PTPRB: variants seen among roughly 807,000 people sequenced by gnomAD.
PTPRB encodes the protein protein tyrosine phosphatase receptor type B.
A neutral mutation model predicts 238.1 loss-of-function variants in PTPRB; 97 were observed. That is an observed-to-expected ratio of 0.41 (90% CI 0.35 to 0.48). PTPRB has a LOEUF of 0.48. PTPRB is among the 20% of genes least tolerant of loss of function. The pLI, the probability that PTPRB is intolerant of heterozygous loss-of-function variation, is 0.30. For synonymous variants in PTPRB, 970 were observed against 995.4 expected (o/e 0.97, Z 0.48); for missense variants, 2,292 against 2,681.9 (o/e 0.85, Z 3.21).
At chr12:70,531,148 G>A (rs1233555540) in intron 32 of PTPRB, among the ~76,000 whole-genome samples, 2 of 152,150 alleles carry the variant, frequency 1.3e-5, no homozygotes, top group African/African-American at 2.4e-5. Flanking sequence ...GGGTCAAGGT[G>A]GTTTTGGGAT....
In PTPRB at chr12:70,529,716, G is replaced by A. The variant is rs657860; in HGVS notation, c.6504+2319C>T. On this transcript the variant is annotated intron_variant, in intron 32 of 33. Transcript: ENST00000334414. Reference sequence around the variant, plus strand: ...ACCTTTGATGAAATAACAGCGCTAGGCAGAGGTCATCAGTGGCTGCTAAAA... The same window carrying A: ...ACCTTTGATGAAATAACAGCGCTAGACAGAGGTCATCAGTGGCTGCTAAAA... 6.9e-3 allele frequency among the ~76,000 whole-genome samples: 1,047 copies of A among 152,232 alleles called. 13 individuals are homozygous for A. Among genetic ancestry groups the A allele is most frequent in the African/African-American group, 0.024 (984 of 41,518 alleles).
In PTPRB at chr12:70,534,878, C is replaced by T. The variant is rs1370683880; in HGVS notation, c.6159G>A (p.Glu2053=). 1 of 1,613,988 alleles carries T rather than the reference C, an allele frequency of 6.2e-7. No individual in the cohort carries two copies. The highest frequency in any genetic ancestry group is 1.7e-5 in the Admixed American group (1 of 60,018). The change falls in exon 30 of 34, where the codon GAG becomes GAA. Residue 2053 remains glutamate, a synonymous_variant. Coordinates refer to ENST00000334414, the MANE Select transcript of PTPRB (RefSeq NM_001109754.4). Reference sequence around the variant, plus strand: ...GGATGGTCCACTCAGGCAGGACGGACTCTGAGAGCATCTGCAGGATGAGGT... The same window carrying T: ...GGATGGTCCACTCAGGCAGGACGGATTCTGAGAGCATCTGCAGGATGAGGT... ...YGDLILQMLS[E]SVLPEWTIRE...
chr12:70,569,166 G>A (rs981064739), intron 14 of PTPRB, among the ~76,000 whole-genome samples: 1 of 152,040 alleles, frequency 6.6e-6, no homozygotes, highest in African/African-American at 2.4e-5. Context: ...GCAGTGGCAC[G>A]ATCACGACTC....
rs1296649175 is a variant in PTPRB, at chr12:70,576,426, C to T, written c.2798G>A (p.Arg933Lys). ...GGAGTGATTTTCATACTTGCCACTC[C>T]TTGTAGTTATGGTCACGGTGTAGAG... ...GRLYTVTITT[R>K]SGKYENHSFS... Residue 933 changes from arginine (R) to lysine (K), a missense_variant, in exon 11 of 34, where the codon AGG becomes AAG. Physicochemically the swap from Arg to Lys is conservative, Grantham distance 26. This residue lies in a region of PTPRB where 1,205 missense variants were observed against 1,287.8 expected (regional missense o/e 0.94). Transcript: ENST00000334414. The T allele has an allele frequency of 6.2e-7, 1 of 1,610,520 alleles. No homozygotes were observed. The highest frequency in any genetic ancestry group is 1.7e-5 in the Admixed American group (1 of 59,608).
chr12:70,532,252 T>C, intron 31 of PTPRB, 82 bp from the exon 32 acceptor site: 4 of 1,387,046 alleles, frequency 2.9e-6, no homozygotes, highest in East Asian at 2.6e-5. Context: ...TGGCACAATC[T>C]TTTTTTTCCC....
In PTPRB at chr12:70,594,531, G is replaced by A. The variant is rs1882809045; in HGVS notation, c.1452C>T (p.Tyr484=). Residue 484 remains tyrosine, a synonymous_variant, in exon 6 of 34, where the codon TAC becomes TAT. Transcript: ENST00000334414. ...CAGCCTCAGTCATAACAGTGAGGTT[G>A]TAGAGGTAGCCAGGGGTCAGCCCGT... is the stretch of plus-strand genomic sequence containing the variant. ...AFHGLTPGYL[Y]NLTVMTEAAG... is the part of the protein sequence containing the mutation. 1 of 1,613,892 alleles carries A rather than the reference G, an allele frequency of 6.2e-7. No homozygotes were observed. Among genetic ancestry groups the A allele is most frequent in the Admixed American group, 1.7e-5 (1 of 60,006 alleles).
chr12:70,590,939 A>ATTTT (rs1882430903), intron 7 of PTPRB, among the ~76,000 whole-genome samples: 7 of 113,050 alleles, frequency 6.2e-5, no homozygotes, highest in South Asian at 2.7e-4. Flanking sequence ...ATTTCCTCCA[A>ATTTT]GTTTTTTTTT....
chr12:70,600,427 G>A (rs1221582091), intron 4 of PTPRB, among the ~76,000 whole-genome samples: 1 of 152,094 alleles, frequency 6.6e-6, no homozygotes, highest in Non-Finnish European at 1.5e-5. Context: ...GTCATGAATT[G>A]CATATTCAGT....
chr12:70,593,747 T>G (rs1293406868), intron 6 of PTPRB, among the ~76,000 whole-genome samples: 1 of 152,012 alleles, frequency 6.6e-6, no homozygotes, highest in Non-Finnish European at 1.5e-5. Flanking sequence ...AACTAATGTC[T>G]AAGGCACTAC....
chr12:70,613,975 C>T (rs914569368), intron 3 of PTPRB, among the ~76,000 whole-genome samples: 1 of 151,984 alleles, frequency 6.6e-6, no homozygotes, highest in Non-Finnish European at 1.5e-5. Flanking sequence ...AGAAAAGATT[C>T]ATTTTGAAGA....
In PTPRB at chr12:70,539,917, C is replaced by T. The variant is rs759989185; in HGVS notation, c.5678+22G>A. Reference sequence around the variant, plus strand: ...TAATACCATCTTTCAACAAATTATACGAAGGCAAATGTGGTGCTTACCCTT... The same window carrying T: ...TAATACCATCTTTCAACAAATTATATGAAGGCAAATGTGGTGCTTACCCTT... On this transcript the variant is annotated intron_variant, in intron 24 of 33. Transcript: ENST00000334414. The T allele has an allele frequency of 2.3e-5, 37 of 1,592,364 alleles. No individual in the cohort carries two copies. In the Admixed American group the frequency reaches 4.2e-4, roughly 18 times the overall value.
intron 7 of PTPRB, among the ~76,000 whole-genome samples, chr12:70,590,945 T>A (rs947766937): frequency 6.8e-6 from 1 of 147,042 alleles, no homozygotes; most frequent in Non-Finnish European, 1.5e-5. Flanking sequence ...TCCAAGTTTT[T>A]TTTTTTTTTT....
intron 15 of PTPRB, among the ~76,000 whole-genome samples, chr12:70,565,847 T>C (rs957155750): frequency 6.6e-5 from 10 of 152,190 alleles, no homozygotes; most frequent in Non-Finnish European, 1.0e-4. Flanking sequence ...TTAAGGATCT[T>C]GAGACGAAGG....
In PTPRB at chr12:70,569,981, A is replaced by C. The variant is rs367598584; in HGVS notation, c.3371-43T>G. The C allele has an allele frequency of 2.0e-6, 3 of 1,529,838 alleles. No individual in the cohort carries two copies. In the African/African-American group the frequency reaches 4.1e-5, roughly 21 times the overall value. The allele number at this position is 1,529,838 out of a possible 1,614,324, so 94.8% of individuals were successfully genotyped here. A position where few individuals can be genotyped will look rare whatever the true frequency, so the allele number is the denominator to read the frequency against. ...TTTAAAAGTCATCACTTAGAGAATG[A>C]ACTGTTGAAATTTTCAAACAAAGTT... is the stretch of plus-strand genomic sequence containing the variant. On this transcript the variant is annotated intron_variant, in intron 13 of 33. Coordinates refer to ENST00000334414, the MANE Select transcript of PTPRB (RefSeq NM_001109754.4).
Position 70,579,360 on chromosome 12 carries a change from GC to G in PTPRB, c.2578+1675del, listed in dbSNP as rs1453785992. Among the ~76,000 whole-genome samples, 4 of 152,106 alleles carry G rather than the reference GC, an allele frequency of 2.6e-5. No homozygotes were observed. The East Asian group carries it at 7.7e-4, about 29-fold the overall frequency. On this transcript the variant is annotated intron_variant, in intron 10 of 33. Coordinates refer to ENST00000334414, the MANE Select transcript of PTPRB (RefSeq NM_001109754.4). ...CAAGTATGCTACACCAATGGATGGTGCCAAGAACCATTAAAAGAAAGGAAAG... is the reference window on the plus strand; with the variant it reads ...CAAGTATGCTACACCAATGGATGGTGCAAGAACCATTAAAAGAAAGGAAAG...
chr12:70,527,243 G>A (rs1478011312), intron 32 of PTPRB, among the ~76,000 whole-genome samples: 1 of 152,170 alleles, frequency 6.6e-6, no homozygotes, highest in South Asian at 2.1e-4. Context: ...ATACAATTGT[G>A]TATAAGGTTT....
intron 3 of PTPRB, among the ~76,000 whole-genome samples, chr12:70,621,974 T>C (rs927466007): frequency 6.6e-6 from 1 of 152,190 alleles, no homozygotes; most frequent in African/African-American, 2.4e-5. Context: ...CTGAATCAAT[T>C]ATAGTGATTC....
intron 28 of PTPRB, among the ~76,000 whole-genome samples, chr12:70,536,625 C>T (rs1874164813): frequency 3.3e-5 from 5 of 152,186 alleles, no homozygotes; most frequent in African/African-American, 7.2e-5. Flanking sequence ...TCTAATGTGT[C>T]GCAGGTCAGG....
intron 22 of PTPRB, chr12:70,542,870 G>C (rs1460722686): frequency 6.8e-6 from 1 of 147,112 alleles, no homozygotes; most frequent in South Asian, 2.1e-4. Flanking sequence ...CTGGGCGACA[G>C]AGCGAGACTT....
Sources: gnomAD v4.1 joint callset for allele counts (sites outside exome capture counted in the v4.1 genomes callset) on GRCh38, gnomAD v4.1.1 for gene constraint, gnomAD v4.1.1 regional missense constraint, MANE v1.5 for transcripts, NCBI Gene and HGNC (gene_info 2026-07-23, HGNC 2026-07-21) for gene names.